TMEM231: variants seen among roughly 807,000 people sequenced by gnomAD.
The protein encoded by TMEM231 is transmembrane protein 231.
In TMEM231, 40 loss-of-function variants were observed where a neutral mutation model predicts 38.5. The ratio of observed to expected loss-of-function variants is 1.04; its 90% CI spans 0.81 to 1.35. TMEM231 has a LOEUF of 1.35. Ranked by LOEUF, TMEM231 falls within the 40% of genes most tolerant of loss-of-function variation. The pLI, the probability that TMEM231 is intolerant of heterozygous loss-of-function variation, is 0.00. For missense variants in TMEM231, 420 were observed against 416.9 expected, an observed-to-expected ratio of 1.01 and a Z score of -0.07; for synonymous variants, 199 against 181.7, an observed-to-expected ratio of 1.10 and a Z score of -0.77.
chr16:75,550,624 T>TC (rs1371664382), intron 2 of TMEM231, among the ~76,000 whole-genome samples: 1 of 152,166 alleles, frequency 6.6e-6, no homozygotes, highest in Admixed American at 6.5e-5. Flanking sequence ...GTGACTTTTT[T>TC]CCCCGTCAGG....
intron 2 of TMEM231, 125 bp from the exon 3 acceptor site, chr16:75,546,079 TAA>T: frequency 6.5e-7 from 1 of 1,547,908 alleles, no homozygotes; most frequent in African/African-American, 1.4e-5. Flanking sequence ...TCTCCTCCAC[TAA>T]AAGAGAAAAG....
rs888312097 is a variant in TMEM231, at chr16:75,537,784, C to G, written c.*2210G>C. The G allele has an allele frequency of 6.6e-6, 1 of 152,208 alleles. No individual in the cohort carries two copies. Among genetic ancestry groups the G allele is most frequent in the Admixed American group, 6.5e-5 (1 of 15,274 alleles). 9.4% of individuals were successfully genotyped at this position (152,208 alleles called of 1,614,324 possible). On this transcript the variant is annotated 3_prime_UTR_variant, in exon 7 of 7. Transcript: ENST00000258173. ...ACAGGCGTGAGCCACCGCTCCCGGC[C>G]TCTTGCTTTTTATTTACCTCTTGCA...
At chr16:75,541,169 A>G (rs1164914075) in intron 6 of TMEM231, among the ~76,000 whole-genome samples, 181 bp downstream of exon 6, 1 of 143,654 alleles carries the variant, frequency 7.0e-6, no homozygotes, top group Non-Finnish European at 1.5e-5. Context: ...GTACGCCACT[A>G]TGCCTGGCTA....
intron 2 of TMEM231, chr16:75,555,593 G>A: frequency 2.0e-6 from 1 of 505,510 alleles, no homozygotes; most frequent in South Asian, 3.8e-5. Flanking sequence ...CTAACTTTCT[G>A]GGGGCCGGGG....
chr16:75,540,066 C>G lies in TMEM231; in HGVS notation c.879G>C (p.Gln293His), dbSNP rs766732753. ...CAGGAATGGTGGTCACCACCTGATTCTGAAACACGAAGATCTTGATTCTTT... is the reference window on the plus strand; with the variant it reads ...CAGGAATGGTGGTCACCACCTGATTGTGAAACACGAAGATCTTGATTCTTT... ...VFERIKIFVF[Q>H]NQVVTTIPVT... Residue 293 changes from glutamine (Q) to histidine (H), a missense_variant, in exon 7 of 7, where the codon CAG becomes CAC. Physicochemically the swap from Gln to His is conservative, Grantham distance 24. Coordinates refer to ENST00000258173, the MANE Select transcript of TMEM231 (RefSeq NM_001077418.3). 6.2e-7 allele frequency: 1 copy of G among 1,613,778 alleles called. No homozygotes were observed. Among genetic ancestry groups the G allele is most frequent in the South Asian group, 1.1e-5 (1 of 91,042 alleles).
chr16:75,541,353 AT>A lies in TMEM231; in HGVS notation c.766del (p.Ile256PhefsTer11). 1.9e-6 allele frequency: 3 copies of A among 1,606,012 alleles called. No homozygotes were observed. Among genetic ancestry groups the A allele is most frequent in the Non-Finnish European group, 2.6e-6 (3 of 1,174,812 alleles). On this transcript the variant is annotated frameshift_variant, in exon 6 of 7. Transcript: ENST00000258173. LOFTEE classifies it high-confidence loss of function. ...NAIIRYPVEV[I>X]SYQPGFWEMV... The stretch of plus-strand genomic sequence containing the variant: ...GACTCTTTAACAGAAAGGATATGAA[AT>A]GACTTCCACAGGGTATCGGATGATA...
At position 75,545,343 on chromosome 16, in the gene TMEM231, C is replaced by A; in HGVS notation, c.582+9G>T. Reference sequence around the variant, plus strand: ...AACAAAGGAGCTGGACAATGAGAAGCGCTCTTACGTTGTATCGGGCATCTA... The same window carrying A: ...AACAAAGGAGCTGGACAATGAGAAGAGCTCTTACGTTGTATCGGGCATCTA... On this transcript the variant is annotated intron_variant, in intron 4 of 6. Coordinates refer to ENST00000258173, the MANE Select transcript of TMEM231 (RefSeq NM_001077418.3). 3.7e-6 allele frequency: 6 copies of A among 1,607,500 alleles called. No homozygotes were observed. The highest frequency in any genetic ancestry group is 5.1e-6 in the Non-Finnish European group (6 of 1,175,664).
At chr16:75,543,494 T>A (rs189905309) in intron 4 of TMEM231, among the ~76,000 whole-genome samples, 1 of 152,148 alleles carries the variant, frequency 6.6e-6, no homozygotes, top group Non-Finnish European at 1.5e-5. Flanking sequence ...CTCTTAAGCC[T>A]GGGAGACAGA....
In TMEM231 at chr16:75,545,355, G is replaced by T. The variant is rs781697461; in HGVS notation, c.579C>A (p.Tyr193Ter). The change falls in exon 4 of 7, where the codon TAC (tyrosine) becomes TAA (stop). Residue 193 changes from tyrosine (Y) to a stop codon, truncating the protein, a stop_gained. Coordinates refer to ENST00000258173, the MANE Select transcript of TMEM231 (RefSeq NM_001077418.3). LOFTEE classifies it high-confidence loss of function. ...PLSCGGLDAR[Y>*]NISVINGTSP... ...GGACAATGAGAAGCGCTCTTACGTT[G>T]TATCGGGCATCTAGGCCACCACAGC... is the stretch of plus-strand genomic sequence containing the variant. 1.2e-6 allele frequency: 2 copies of T among 1,612,684 alleles called. No homozygotes were observed. Among genetic ancestry groups the T allele is most frequent in the Non-Finnish European group, 1.7e-6 (2 of 1,179,044 alleles).
chr16:75,542,943 G>C (rs1025478175), intron 4 of TMEM231, among the ~76,000 whole-genome samples: 1 of 152,144 alleles, frequency 6.6e-6, no homozygotes, highest in Non-Finnish European at 1.5e-5. Context: ...AAACTCTCTT[G>C]CAACAATTTA....
In TMEM231 at chr16:75,545,240, ATGAGCCAC is replaced by A. The variant is rs2080673289; in HGVS notation, c.582+104_582+111del. 5 of 1,438,662 alleles carry A rather than the reference ATGAGCCAC, an allele frequency of 3.5e-6. No homozygotes were observed. The Admixed American group carries it at 1.0e-4, about 30-fold the overall frequency. 89.1% of individuals were successfully genotyped at this position (1,438,662 alleles called of 1,614,324 possible). A position where few individuals can be genotyped will look rare whatever the true frequency, so the allele number is the denominator to read the frequency against. The stretch of plus-strand genomic sequence containing the variant: ...CTCCCAAAGTGCTGGGATTACAGGT[ATGAGCCAC>A]TGCGCCTGGCCTGACATTTCTACTT... On this transcript the variant is annotated intron_variant, in intron 4 of 6. Transcript: ENST00000258173.
At chr16:75,540,610 T>C (rs2080613101) in intron 6 of TMEM231, among the ~76,000 whole-genome samples, 1 of 152,374 alleles carries the variant, frequency 6.6e-6, no homozygotes, top group Middle Eastern at 3.4e-3. Context: ...TCTCTTTTGT[T>C]TGCTTCTCTG....
chr16:75,540,618 C>G (rs911285536), intron 6 of TMEM231, among the ~76,000 whole-genome samples: 2 of 152,204 alleles, frequency 1.3e-5, no homozygotes, highest in Non-Finnish European at 2.9e-5. Context: ...GTTTGCTTCT[C>G]TGCAGTGTTG....
chr16:75,543,467 G>A (rs2080650212), intron 4 of TMEM231, among the ~76,000 whole-genome samples: 1 of 152,074 alleles, frequency 6.6e-6, no homozygotes, highest in Non-Finnish European at 1.5e-5. Context: ...CTATTCAGGA[G>A]GCTGAAATCA....
chr16:75,553,298 T>TA (rs1035016815), intron 2 of TMEM231, among the ~76,000 whole-genome samples: 1 of 152,104 alleles, frequency 6.6e-6, no homozygotes, highest in African/African-American at 2.4e-5. Flanking sequence ...GCATAAGAAA[T>TA]ACTGAGTTCC....
At chr16:75,541,218 C>A in intron 6 of TMEM231, 132 bp downstream of exon 6, 3 of 383,776 alleles carry the variant, frequency 7.8e-6, no homozygotes, top group East Asian at 4.1e-5. Context: ...CAGGGACTCA[C>A]TATCTTGGCC....
At chr16:75,550,224 G>A (rs1410333706) in intron 2 of TMEM231, among the ~76,000 whole-genome samples, 5 of 152,216 alleles carry the variant, frequency 3.3e-5, no homozygotes, top group Non-Finnish European at 7.3e-5. Context: ...AGAAGGGACC[G>A]CGGCCCAGAT....
chr16:75,538,661 G>T lies in TMEM231; in HGVS notation c.*1333C>A, dbSNP rs2080586275. On this transcript the variant is annotated 3_prime_UTR_variant, in exon 7 of 7. Coordinates refer to ENST00000258173, the MANE Select transcript of TMEM231 (RefSeq NM_001077418.3). ...AAAGTAAACTGAGGCACACACTGAG[G>T]GGTGTGTTTCTGGGTGGGCATGAAG... 1 of 152,176 alleles carries T rather than the reference G, an allele frequency of 6.6e-6. No homozygotes were observed. 9.4% of individuals were successfully genotyped at this position (152,176 alleles called of 1,614,324 possible). A position where few individuals can be genotyped will look rare whatever the true frequency, so the allele number is the denominator to read the frequency against.
chr16:75,546,890 T>G (rs1054458251), intron 2 of TMEM231, among the ~76,000 whole-genome samples: 25 of 152,278 alleles, frequency 1.6e-4, no homozygotes, highest in Admixed American at 1.4e-3. Context: ...GGAAGCTATG[T>G]CAAATCAGCA....
Sources: allele counts gnomAD v4.1 joint callset (sites outside exome capture counted in the v4.1 genomes callset), GRCh38; gene constraint gnomAD v4.1.1; transcripts MANE v1.5; gene names NCBI Gene and HGNC (gene_info 2026-07-23, HGNC 2026-07-21).